ANGPT4: variants seen among roughly 807,000 people sequenced by gnomAD.
ANGPT4 encodes the protein angiopoietin-4.
Under a neutral mutation model 53.0 loss-of-function variants are expected in ANGPT4, and 50 were observed. That is an observed-to-expected ratio of 0.94 (90% confidence interval 0.75 to 1.20). The LOEUF (loss-of-function observed/expected upper bound fraction) is 1.20. Ranked by LOEUF, ANGPT4 falls within the 50% of genes most tolerant of loss-of-function variation. ANGPT4 has a pLI of 0.00. For missense variants in ANGPT4, 648 were observed against 637.1 expected, an observed-to-expected ratio of 1.02 and a Z score of -0.18; for synonymous variants, 251 against 259.7, an observed-to-expected ratio of 0.97 and a Z score of 0.32.
chr20:903,765 G>C (rs766187398), intron 1 of ANGPT4, among the ~76,000 whole-genome samples: 2 of 152,236 alleles, frequency 1.3e-5, no homozygotes, highest in Non-Finnish European at 2.9e-5. Flanking sequence ...GGCTGGGGTG[G>C]TGCAGGGTGT....
intron 1 of ANGPT4, among the ~76,000 whole-genome samples, chr20:910,227 T>C (rs1005010832): frequency 6.6e-6 from 1 of 152,164 alleles, no homozygotes; most frequent in Non-Finnish European, 1.5e-5. Flanking sequence ...GGACAAGCAA[T>C]CTTACTTCAC....
chr20:891,792 T>C (rs1981857263), intron 1 of ANGPT4, among the ~76,000 whole-genome samples: 1 of 152,244 alleles, frequency 6.6e-6, no homozygotes, highest in Non-Finnish European at 1.5e-5. Context: ...GCAAGTTCCA[T>C]TATCACATCC....
In ANGPT4 at chr20:876,577, C is replaced by T. The variant is rs1430341401; in HGVS notation, c.1220+1584G>A. ...TTCATGTGCAGTATCTCATTCAGGC[C>T]TCATCACACCCTTTTTGAGGTAGGT... On this transcript the variant is annotated intron_variant, in intron 7 of 8. Transcript: ENST00000381922. Among the ~76,000 whole-genome samples, 9 of 152,304 alleles carry T rather than the reference C, an allele frequency of 5.9e-5. No homozygotes were observed. The East Asian group carries it at 1.7e-3, about 29-fold the overall frequency.
At chr20:894,121 C>G (rs1225887287) in intron 1 of ANGPT4, among the ~76,000 whole-genome samples, 1 of 152,200 alleles carries the variant, frequency 6.6e-6, no homozygotes, top group Non-Finnish European at 1.5e-5. Context: ...GTCTCTCCCA[C>G]TGTGCTCTCA....
chr20:899,150 T>C (rs4813857), intron 1 of ANGPT4, among the ~76,000 whole-genome samples: 23,700 of 152,166 alleles, frequency 0.16, 2,106 homozygotes, highest in Middle Eastern at 0.3. Context: ...TACCTACTTT[T>C]CAAGGGCCTG....
intron 1 of ANGPT4, among the ~76,000 whole-genome samples, chr20:915,401 G>T (rs1219436311): frequency 6.6e-6 from 1 of 152,122 alleles, no homozygotes; most frequent in Non-Finnish European, 1.5e-5. Context: ...TTTGCAGAAC[G>T]TTCCCTCAAA....
chr20:890,024 C>G (rs1336704315), intron 2 of ANGPT4, among the ~76,000 whole-genome samples, 189 bp downstream of exon 2: 5 of 152,232 alleles, frequency 3.3e-5, no homozygotes, highest in Admixed American at 3.3e-4. Flanking sequence ...CATCCACCCC[C>G]CAGGGCTCAT....
chr20:915,314 C>A (rs567107835), intron 1 of ANGPT4, among the ~76,000 whole-genome samples: 18 of 152,152 alleles, frequency 1.2e-4, no homozygotes, highest in African/African-American at 4.3e-4. Context: ...GCTACACAGG[C>A]CTTCGCCCCA....
At chr20:890,882 C>T (rs769300776) in intron 1 of ANGPT4, among the ~76,000 whole-genome samples, 10 of 152,180 alleles carry the variant, frequency 6.6e-5, no homozygotes, top group Non-Finnish European at 1.3e-4. Context: ...CTCTGGAATC[C>T]TCCCCCAACC....
At chr20:910,306 C>T (rs967830703) in intron 1 of ANGPT4, among the ~76,000 whole-genome samples, 3 of 152,190 alleles carry the variant, frequency 2.0e-5, no homozygotes, top group African/African-American at 7.2e-5. Context: ...ACAGTAAATG[C>T]TCACTAAATG....
Position 916,119 on chromosome 20 carries a change from G to T in ANGPT4, c.96C>A (p.Gly32=). 1.2e-6 allele frequency: 2 copies of T among 1,614,200 alleles called. No homozygotes were observed. The highest frequency in any genetic ancestry group is 1.7e-6 in the Non-Finnish European group (2 of 1,180,022). The change falls in exon 1 of 9, where the codon GGC becomes GGA. Residue 32 remains glycine (G), a synonymous_variant. Coordinates refer to ENST00000381922, the MANE Select transcript of ANGPT4 (RefSeq NM_015985.4). ...CGTGCTGGACTACAAGTGTCTCGCA[G>T]CCCCTATCCGCCTCCTGCCTTGTCT... ...AQQTRQEADR[G]CETLVVQHGH...
chr20:889,769 T>G (rs1214107535), intron 2 of ANGPT4, among the ~76,000 whole-genome samples: 1 of 152,126 alleles, frequency 6.6e-6, no homozygotes, highest in Non-Finnish European at 1.5e-5. Flanking sequence ...GTTATTCACT[T>G]TTTCATCCAC....
Position 874,359 on chromosome 20 carries a change from G to A in ANGPT4, c.1276C>T (p.Gln426Ter), listed in dbSNP as rs1245979612. The A allele has an allele frequency of 6.2e-7, 1 of 1,614,164 alleles. No homozygotes were observed. Among genetic ancestry groups the A allele is most frequent in the African/African-American group, 1.3e-5 (1 of 75,068 alleles). ...TCAAGGGTGCTAAAGCTGGTGTTCTGCAGGACCAGGCTGCTCTGGCGCCCT... is the reference window on the plus strand; with the variant it reads ...TCAAGGGTGCTAAAGCTGGTGTTCTACAGGACCAGGCTGCTCTGGCGCCCT... ...SAGRQSSLVL[Q>*]NTSFSTLDSD... is the part of the protein sequence containing the mutation. The change falls in exon 8 of 9, where the codon CAG becomes TAG. Residue 426 changes from glutamine (Q) to a stop codon, truncating the protein, a stop_gained. Transcript: ENST00000381922. LOFTEE classifies it high-confidence loss of function.
intron 1 of ANGPT4, among the ~76,000 whole-genome samples, chr20:910,067 A>G (rs1005743298): frequency 3.9e-5 from 6 of 152,194 alleles, no homozygotes; most frequent in Non-Finnish European, 7.4e-5. Flanking sequence ...CACCATGGAC[A>G]TGGCTTATTT....
intron 1 of ANGPT4, among the ~76,000 whole-genome samples, chr20:903,619 G>A (rs1209398934): frequency 1.3e-5 from 2 of 152,222 alleles, no homozygotes; most frequent in African/African-American, 4.8e-5. Context: ...GATTCCTTTA[G>A]TGAAGAACAA....
intron 1 of ANGPT4, 136 bp downstream of exon 1, chr20:915,770 C>A: frequency 2.6e-6 from 3 of 1,154,034 alleles, no homozygotes; most frequent in Non-Finnish European, 3.7e-6. Context: ...CTCAGACCCA[C>A]CCCTGCCCCT....
Position 890,339 on chromosome 20 carries a change from C to T in ANGPT4, c.339G>A (p.Arg113=). 1 of 1,612,994 alleles carries T rather than the reference C, an allele frequency of 6.2e-7. No homozygotes were observed. The highest frequency in any genetic ancestry group is 8.5e-7 in the Non-Finnish European group (1 of 1,179,946). Residue 113 remains arginine, a synonymous_variant, in exon 2 of 9, where the codon AGG becomes AGA. Transcript: ENST00000381922. The part of the protein sequence containing the change: ...KLERAIKTIL[R]SKLEQVQQQM... ...GCTGCTGGACCTGCTCCAGCTTCGA[C>T]CTCAAGATCGTCTTGATGGCCCTCT...
rs370197430 is a variant in ANGPT4, at chr20:908,129, T to C, written c.309+7777A>G. ...AGGGTCAGACAAAGATGGTGGAAGC[T>C]GGCTCAGAGGTCCACAGTCTATCAG... On this transcript the variant is annotated intron_variant, in intron 1 of 8. Coordinates refer to ENST00000381922, the MANE Select transcript of ANGPT4 (RefSeq NM_015985.4). This position sits in a 1 kb window ranked among gnomAD's most constrained non-coding sequence, Gnocchi z 4.9. 2.2e-4 allele frequency among the ~76,000 whole-genome samples: 34 copies of C among 152,196 alleles called. No individual in the cohort carries two copies. Among genetic ancestry groups the C allele is most frequent in the African/African-American group, 7.5e-4 (31 of 41,512 alleles).
Position 881,293 on chromosome 20 carries a change from A to T in ANGPT4, c.836-7T>A, listed in dbSNP as rs979427761. On this transcript the variant is annotated splice_region_variant and splice_polypyrimidine_tract_variant and intron_variant, in intron 4 of 8. Coordinates refer to ENST00000381922, the MANE Select transcript of ANGPT4 (RefSeq NM_015985.4). ...TCACCTGCCATTATGAAGGCTGCAA[A>T]GGGACAACACAAAAGTCAGTTGGAG... The T allele has an allele frequency of 6.2e-7, 1 of 1,613,490 alleles. No homozygotes were observed. Among genetic ancestry groups the T allele is most frequent in the Admixed American group, 1.7e-5 (1 of 60,002 alleles).
Sources: allele counts gnomAD v4.1 joint callset (sites outside exome capture counted in the v4.1 genomes callset), GRCh38; gene constraint gnomAD v4.1.1; non-coding constraint Gnocchi (gnomAD v3.1); transcripts MANE v1.5; gene names NCBI Gene and HGNC (gene_info 2026-07-23, HGNC 2026-07-21).